ABCC10: variants seen among roughly 807,000 people sequenced by gnomAD.
ABCC10 encodes the protein ATP binding cassette subfamily C member 10.
Under a neutral mutation model 143.2 loss-of-function variants are expected in ABCC10, and 110 were observed. The ratio of observed to expected loss-of-function variants is 0.77; its 90% CI spans 0.66 to 0.90. ABCC10 has a LOEUF of 0.90. Ranked by LOEUF, ABCC10 falls within the 40% of genes least tolerant of loss-of-function variation. The pLI is 0.00. For missense variants in ABCC10, 1,700 were observed against 1,900.5 expected, an observed-to-expected ratio of 0.89 and a Z score of 1.96; for synonymous variants, 805 against 846.7, an observed-to-expected ratio of 0.95 and a Z score of 0.85.
Position 43,446,730 on chromosome 6 carries a change from G to A in ABCC10, c.3544+284G>A, listed in dbSNP as rs961126685. On this transcript the variant is annotated intron_variant, in intron 16 of 21. Transcript: ENST00000372530. ...CGTCCCCACCACACTGCCCCAGCCC[G>A]CTTCAGTCTCCCACATGCCGTCCCT... The A allele has an allele frequency of 3.2e-5, 40 of 1,257,982 alleles. No individual in the cohort carries two copies. The Admixed American group carries it at 7.5e-4, about 23-fold the overall frequency. The allele number at this position is 1,257,982 out of a possible 1,614,324, so 77.9% of individuals were successfully genotyped here. A position where few individuals can be genotyped will look rare whatever the true frequency, so the allele number is the denominator to read the frequency against.
intron 2 of ABCC10, among the ~76,000 whole-genome samples, chr6:43,430,373 G>A (rs985601997): frequency 4.6e-5 from 7 of 152,196 alleles, no homozygotes; most frequent in Admixed American, 4.6e-4. Flanking sequence ...TTACAGGCTT[G>A]AGCCACCATG....
At chr6:43,447,620 C>T (rs184713283) in intron 17 of ABCC10, 64 bp from the exon 18 acceptor site, 4 of 1,598,830 alleles carry the variant, frequency 2.5e-6, no homozygotes, top group African/African-American at 2.7e-5. Flanking sequence ...CCCCTCCTCA[C>T]CATCGCTCCT....
intron 6 of ABCC10, 86 bp from the exon 7 acceptor site, chr6:43,437,848 G>A: frequency 2.2e-6 from 3 of 1,350,970 alleles, no homozygotes. Context: ...TGGGAGGACT[G>A]GCAGCCCAGA....
chr6:43,438,099 G>A, intron 7 of ABCC10, 86 bp downstream of exon 7: 1 of 1,429,124 alleles, frequency 7.0e-7, no homozygotes, highest in Non-Finnish European at 9.7e-7. Flanking sequence ...CCTTTTGGGG[G>A]TCAGGGGTAC....
chr6:43,432,347 G>T lies in ABCC10; in HGVS notation c.367G>T (p.Ala123Ser). The change falls in exon 3 of 22, where the codon GCA becomes TCA. Residue 123 changes from alanine to serine, a missense_variant. Physicochemically the swap from Ala to Ser is moderately conservative, Grantham distance 99 (BLOSUM62 1). Coordinates refer to ENST00000372530, the MANE Select transcript of ABCC10 (RefSeq NM_001198934.2). ...CCACAGCCTGGCCCTGTGGGTGTTGGCACATTCCCCTCATGGCCACTCCCG... is the reference window on the plus strand; with the variant it reads ...CCACAGCCTGGCCCTGTGGGTGTTGTCACATTCCCCTCATGGCCACTCCCG... The part of the protein sequence containing the change: ...ISHSLALWVL[A>S]HSPHGHSRGP... 1 of 1,613,800 alleles carries T rather than the reference G, an allele frequency of 6.2e-7. No individual in the cohort carries two copies. The highest frequency in any genetic ancestry group is 2.2e-5 in the East Asian group (1 of 44,882).
chr6:43,450,314 T>A lies in ABCC10; in HGVS notation c.*223T>A. The A allele has an allele frequency of 1.2e-6, 1 of 831,784 alleles. No individual in the cohort carries two copies. The highest frequency in any genetic ancestry group is 1.8e-6 in the Non-Finnish European group (1 of 566,220). 51.5% of individuals were successfully genotyped at this position (831,784 alleles called of 1,614,324 possible). A position where few individuals can be genotyped will look rare whatever the true frequency, so the allele number is the denominator to read the frequency against. Reference sequence around the variant, plus strand: ...GCCTCTGCTCTGGCCCTCTTGCATCTGGAACGCCAGGTGGGTTTTTCTGGC... The same window carrying A: ...GCCTCTGCTCTGGCCCTCTTGCATCAGGAACGCCAGGTGGGTTTTTCTGGC... On this transcript the variant is annotated 3_prime_UTR_variant, in exon 22 of 22. Transcript: ENST00000372530. The surrounding 1 kb of genome is among the most constrained non-coding windows in gnomAD (Gnocchi z 4.5).
chr6:43,447,463 C>G (rs1783227162), intron 17 of ABCC10, 55 bp downstream of exon 17: 2 of 1,586,762 alleles, frequency 1.3e-6, no homozygotes, highest in Admixed American at 3.6e-5. Flanking sequence ...AGGCCCCAGT[C>G]TCCCTCACAA....
chr6:43,433,984 G>A (rs1360852922), intron 3 of ABCC10, among the ~76,000 whole-genome samples: 1 of 152,264 alleles, frequency 6.6e-6, no homozygotes, highest in African/African-American at 2.4e-5. Context: ...ATACAGCATA[G>A]TTGTCGACCC....
In ABCC10 at chr6:43,445,200, G is replaced by C; in HGVS notation, c.2916G>C (p.Ala972=). ...SDIRFYLTVY[A]TIAGVNSLCT... The stretch of plus-strand genomic sequence containing the variant: ...TCCGTTTCTACCTCACCGTGTATGC[G>C]ACCATTGCTGGTGTAAATTCCCTCT... Residue 972 remains alanine, a synonymous_variant, in exon 14 of 22, where the codon GCG becomes GCC. Coordinates refer to ENST00000372530, the MANE Select transcript of ABCC10 (RefSeq NM_001198934.2). 1 of 1,614,020 alleles carries C rather than the reference G, an allele frequency of 6.2e-7. No homozygotes were observed. The highest frequency in any genetic ancestry group is 8.5e-7 in the Non-Finnish European group (1 of 1,179,972).
At chr6:43,436,291 A>G (rs8180575) in intron 6 of ABCC10, 44 bp downstream of exon 6, 1 of 1,594,912 alleles carries the variant, frequency 6.3e-7, no homozygotes, top group Non-Finnish European at 8.6e-7. Flanking sequence ...GACTAACGAG[A>G]GAGATGGGAA....
intron 2 of ABCC10, 169 bp from the exon 3 acceptor site, chr6:43,431,973 C>T (rs1781183761): frequency 7.0e-7 from 1 of 1,430,988 alleles, no homozygotes; most frequent in Non-Finnish European, 9.2e-7. Context: ...TCTGGGAAGA[C>T]TTCCTGGGAG....
chr6:43,450,932 G>A, downstream of ABCC10: 2 of 1,614,212 alleles, frequency 1.2e-6, no homozygotes, highest in Non-Finnish European at 1.7e-6. This position sits in a 1 kb window ranked among gnomAD's most constrained non-coding sequence, Gnocchi z 4.5. Context: ...GGGGGTCTGG[G>A]ACAGGTAAGA....
At chr6:43,430,935 G>A (rs1781062261) in intron 2 of ABCC10, 2 of 151,984 alleles carry the variant, frequency 1.3e-5, no homozygotes, top group African/African-American at 4.8e-5. Flanking sequence ...TGTTGGCCAG[G>A]CTGGTCTCAA....
intron 16 of ABCC10, 24 bp from the exon 17 acceptor site, chr6:43,447,224 G>T: frequency 6.2e-7 from 1 of 1,606,354 alleles, no homozygotes. Flanking sequence ...AGCTCTCCCA[G>T]CAGCTGGTAC....
chr6:43,428,170 C>T, intron 2 of ABCC10, 31 bp downstream of exon 2: 1 of 1,494,590 alleles, frequency 6.7e-7, no homozygotes, highest in East Asian at 2.5e-5. Flanking sequence ...GGCATCTGTC[C>T]ATGTGTGCCT....
intron 9 of ABCC10, 49 bp downstream of exon 9, chr6:43,442,009 G>A (rs777340680): frequency 1.9e-6 from 3 of 1,538,950 alleles, no homozygotes; most frequent in Non-Finnish European, 2.7e-6. Flanking sequence ...GGGGAGTCCA[G>A]AGCCTTGGGA....
rs1214464139 is a variant in ABCC10, at chr6:43,447,946, G to C, written c.3959+9G>C. The C allele has an allele frequency of 6.2e-7, 1 of 1,612,038 alleles. No homozygotes were observed. Among genetic ancestry groups the C allele is most frequent in the Non-Finnish European group, 8.5e-7 (1 of 1,179,942 alleles). On this transcript the variant is annotated intron_variant, in intron 18 of 21. Transcript: ENST00000372530. ...GAGCTGGCCCAGCTCAGGTCTGGGG[G>C]AGATGGACTTGGGAGGGGAAGGGGG...
Position 43,445,157 on chromosome 6 carries a change from C to G in ABCC10, c.2873C>G (p.Pro958Arg), listed in dbSNP as rs750414366. Residue 958 changes from proline to arginine, a missense_variant, in exon 14 of 22, where the codon CCC becomes CGC. Transcript: ENST00000372530. ...GTGTTCCCACTGCCCAAAGCTGCCCCCAATGGCTCCTCAGACATCCGTTTC... is the reference window on the plus strand; with the variant it reads ...GTGTTCCCACTGCCCAAAGCTGCCCGCAATGGCTCCTCAGACATCCGTTTC... ...IPVFPLPKAA[P>R]NGSSDIRFYL... 6.2e-7 allele frequency: 1 copy of G among 1,614,100 alleles called. No individual in the cohort carries two copies. Among genetic ancestry groups the G allele is most frequent in the Non-Finnish European group, 8.5e-7 (1 of 1,179,964 alleles).
At position 43,433,158 on chromosome 6, in the gene ABCC10, A is replaced by C; in HGVS notation, c.1178A>C (p.Asn393Thr). The change falls in exon 3 of 22, where the codon AAC (asparagine) becomes ACC (threonine). Residue 393 changes from asparagine to threonine, a missense_variant. By Grantham distance (65) the Asn-to-Thr change is moderately conservative. Coordinates refer to ENST00000372530, the MANE Select transcript of ABCC10 (RefSeq NM_001198934.2). ...GGCACTGACTCTGAACGGCTGCTTA[A>C]CTTTGCTGGGAGCTTCCATGAAGCC... The part of the protein sequence containing the change: ...LLGTDSERLL[N>T]FAGSFHEAWG... 6.2e-7 allele frequency: 1 copy of C among 1,614,052 alleles called. No homozygotes were observed.
Sources: allele counts gnomAD v4.1 joint callset (sites outside exome capture counted in the v4.1 genomes callset), GRCh38; gene constraint gnomAD v4.1.1; non-coding constraint Gnocchi (gnomAD v3.1); transcripts MANE v1.5; gene names NCBI Gene and HGNC (gene_info 2026-07-23, HGNC 2026-07-21).